TESMIN: variants seen among roughly 807,000 people sequenced by gnomAD.
TESMIN encodes the protein testis expressed metallothionein like protein.
In TESMIN, 34 loss-of-function variants were observed where a neutral mutation model predicts 47.4. The observed-to-expected ratio is 0.72, with a 90% CI of 0.55 to 0.96. TESMIN has a LOEUF of 0.96. TESMIN is among the 40% of genes least tolerant of loss of function. The pLI is 0.00. For synonymous variants in TESMIN, 278 were observed against 258.9 expected (o/e 1.07, Z -0.71); for missense variants, 610 against 637.2 (o/e 0.96, Z 0.46).
At chr11:68,724,886 G>A (rs1294429670) in intron 6 of TESMIN, among the ~76,000 whole-genome samples, 2 of 152,074 alleles carry the variant, frequency 1.3e-5, no homozygotes, top group East Asian at 3.8e-4. Context: ...CTTATTTAGG[G>A]CAAGGCAAGG....
intron 9 of TESMIN, 95 bp from the exon 10 acceptor site, chr11:68,708,595 A>G: frequency 8.8e-7 from 1 of 1,141,750 alleles, no homozygotes; most frequent in Non-Finnish European, 1.2e-6. Context: ...TGTCCATGCT[A>G]TTTTAAAGAA....
intron 6 of TESMIN, among the ~76,000 whole-genome samples, chr11:68,722,006 CCAGATACCTGCTACAT>C (rs532483900): frequency 2.3e-3 from 347 of 152,268 alleles, no homozygotes; most frequent in African/African-American, 7.9e-3. Context: ...AGGGACTCAA[CCAGATACCTGCTACAT>C]CAGTGTCCAT....
At chr11:68,749,924 C>T (rs184949264) in intron 2 of TESMIN, among the ~76,000 whole-genome samples, 1 of 152,126 alleles carries the variant, frequency 6.6e-6, no homozygotes, top group East Asian at 1.9e-4. Context: ...TGTTGTCCGC[C>T]GTCTGCATGG....
At chr11:68,732,134 G>A (rs561918136) in intron 6 of TESMIN, among the ~76,000 whole-genome samples, 4 of 152,170 alleles carry the variant, frequency 2.6e-5, no homozygotes, top group South Asian at 2.1e-4. Flanking sequence ...ACAGCACTTC[G>A]TGGAGAAGGC....
Position 68,750,486 on chromosome 11 carries a change from G to A in TESMIN, c.175C>T (p.Pro59Ser). Residue 59 changes from proline to serine, a missense_variant, in exon 2 of 10, where the codon CCC (proline) becomes TCC (serine). Transcript: ENST00000255087. ...AACGCGTGCAGGACGGGTTCCTTGGGGTCCGCCGGGCCCAGGTACGCTTCT... is the reference window on the plus strand; with the variant it reads ...AACGCGTGCAGGACGGGTTCCTTGGAGTCCGCCGGGCCCAGGTACGCTTCT... ...FKEAYLGPAD[P>S]KEPVLHAFNP... is the part of the protein sequence containing the mutation. 6.2e-7 allele frequency: 1 copy of A among 1,602,442 alleles called. No homozygotes were observed. The highest frequency in any genetic ancestry group is 1.1e-5 in the South Asian group (1 of 88,934).
chr11:68,713,746 A>G (rs1427047711), intron 7 of TESMIN, among the ~76,000 whole-genome samples: 1 of 152,166 alleles, frequency 6.6e-6, no homozygotes. Context: ...CTCTTTCCTA[A>G]GATGGTTGAG....
chr11:68,736,086 A>G, intron 6 of TESMIN: 1 of 985,358 alleles, frequency 1.0e-6, no homozygotes, highest in Non-Finnish European at 1.2e-6. Flanking sequence ...AAACTACACC[A>G]CAACAAGATA....
intron 2 of TESMIN, 116 bp downstream of exon 2, chr11:68,750,068 CTGTGTG>C: frequency 1.3e-6 from 1 of 763,206 alleles, no homozygotes; most frequent in Non-Finnish European, 1.9e-6. Context: ...CTCCGGTGGG[CTGTGTG>C]TGGTGTCACC....
At position 68,750,707 on chromosome 11, in the gene TESMIN, A is replaced by T; in HGVS notation, c.-39-8T>A. ...ATGGCGGGGGCCGCGCACCTGCAAC[A>T]CGCGGCCAGGTGAGAGGCAGCCAGA... On this transcript the variant is annotated splice_polypyrimidine_tract_variant and splice_region_variant and intron_variant, in intron 1 of 9. Coordinates refer to ENST00000255087, the MANE Select transcript of TESMIN (RefSeq NM_004923.3). 1 of 1,319,514 alleles carries T rather than the reference A, an allele frequency of 7.6e-7. No individual in the cohort carries two copies. The highest frequency in any genetic ancestry group is 1.5e-5 in the South Asian group (1 of 66,186). 81.7% of individuals were successfully genotyped at this position (1,319,514 alleles called of 1,614,324 possible). A position where few individuals can be genotyped will look rare whatever the true frequency, so the allele number is the denominator to read the frequency against.
chr11:68,750,170 A>G lies in TESMIN; in HGVS notation c.471+20T>C, dbSNP rs768552175. The G allele has an allele frequency of 1.6e-5, 23 of 1,449,106 alleles. No individual in the cohort carries two copies. The East Asian group carries it at 5.9e-4, about 37-fold the overall frequency. 89.8% of individuals were successfully genotyped at this position (1,449,106 alleles called of 1,614,324 possible). ...AAGGGATGGAGGGGGAGCTGTGCCC[A>G]TTCCCCAGGCGGTTCTTACTGGGAT... On this transcript the variant is annotated intron_variant, in intron 2 of 9. Transcript: ENST00000255087.
intron 6 of TESMIN, chr11:68,736,090 C>T: frequency 2.0e-6 from 2 of 985,332 alleles, no homozygotes; most frequent in Non-Finnish European, 2.4e-6. Flanking sequence ...TACACCACAA[C>T]AAGATAACCT....
chr11:68,729,301 G>A (rs1380736509), intron 6 of TESMIN, among the ~76,000 whole-genome samples: 2 of 152,108 alleles, frequency 1.3e-5, no homozygotes, highest in Admixed American at 6.5e-5. Context: ...TGAGGCAGGC[G>A]GATCATGAGG....
chr11:68,741,657 C>G (rs1188809246), intron 5 of TESMIN, among the ~76,000 whole-genome samples: 1 of 152,206 alleles, frequency 6.6e-6, no homozygotes, highest in Non-Finnish European at 1.5e-5. Flanking sequence ...ATGGGCCAGG[C>G]TTTGTGCTGA....
chr11:68,716,240 A>G (rs1022440273), intron 6 of TESMIN, among the ~76,000 whole-genome samples: 3 of 152,236 alleles, frequency 2.0e-5, no homozygotes, highest in African/African-American at 4.8e-5. Flanking sequence ...CTGGCCCCTA[A>G]TTGCCCTCCG....
chr11:68,710,644 G>A lies in TESMIN; in HGVS notation c.1334+230C>T. 4 of 501,408 alleles carry A rather than the reference G, an allele frequency of 8.0e-6. No homozygotes were observed. In the Admixed American group the frequency reaches 1.2e-4, roughly 15 times the overall value. 31.1% of individuals were successfully genotyped at this position (501,408 alleles called of 1,614,324 possible). A position where few individuals can be genotyped will look rare whatever the true frequency, so the allele number is the denominator to read the frequency against. On this transcript the variant is annotated intron_variant, in intron 9 of 9. Transcript: ENST00000255087. ...AAAACGGGAGTAACTCAGACAGTGA[G>A]GATGAGAAGACAAAGAGGACAAAAC...
chr11:68,717,289 C>G (rs1471054053), intron 6 of TESMIN, among the ~76,000 whole-genome samples: 1 of 152,308 alleles, frequency 6.6e-6, no homozygotes. Context: ...AAGTGCTGCC[C>G]TGGGGCATCT....
chr11:68,740,519 T>C (rs1376998062), intron 5 of TESMIN, among the ~76,000 whole-genome samples: 4 of 152,140 alleles, frequency 2.6e-5, no homozygotes, highest in Admixed American at 6.6e-5. Context: ...GTGTGCCTTC[T>C]GGACTGGTGG....
chr11:68,711,066 C>A lies in TESMIN; in HGVS notation c.1159-17G>T, dbSNP rs975842870. 1 of 1,576,300 alleles carries A rather than the reference C, an allele frequency of 6.3e-7. No homozygotes were observed. The highest frequency in any genetic ancestry group is 1.4e-5 in the African/African-American group (1 of 73,112). ...AATTTGGGCCTGGTAATATAAAATG[C>A]TTCAATAAAATTAGGTTGTCTCACA... On this transcript the variant is annotated splice_polypyrimidine_tract_variant and intron_variant, in intron 8 of 9. Coordinates refer to ENST00000255087, the MANE Select transcript of TESMIN (RefSeq NM_004923.3).
At chr11:68,718,683 A>G (rs1410231461) in intron 6 of TESMIN, among the ~76,000 whole-genome samples, 1 of 152,126 alleles carries the variant, frequency 6.6e-6, no homozygotes, top group Non-Finnish European at 1.5e-5. Context: ...CAGCATGAGC[A>G]CATTCTGCAG....
Sources: gnomAD v4.1 joint callset for allele counts (sites outside exome capture counted in the v4.1 genomes callset) on GRCh38, gnomAD v4.1.1 for gene constraint, MANE v1.5 for transcripts, NCBI Gene and HGNC (gene_info 2026-07-23, HGNC 2026-07-21) for gene names.